The following BRWD3 variants were observed in gnomAD, a reference collection of about 807,000 sequenced individuals.
BRWD3 encodes the protein bromodomain and WD repeat-containing protein 3.
In BRWD3, 10 loss-of-function variants were observed where a neutral mutation model predicts 149.7. The observed-to-expected ratio is 0.07, with a 90% CI of 0.04 to 0.11. BRWD3 has a LOEUF of 0.11. Among genes scored for constraint, BRWD3 ranks in the 10% least tolerant of loss-of-function variants. The pLI is 1.00. For missense variants in BRWD3, 940 were observed against 1,373.2 expected (o/e 0.68, Z 4.99); for synonymous variants, 504 against 456.7 (o/e 1.10, Z -1.32).
intron 20 of BRWD3, among the ~76,000 whole-genome samples, chrX:80,714,518 C>T (rs1195354632): frequency 9.0e-6 from 1 of 111,084 alleles, no homozygotes; most frequent in Non-Finnish European, 1.9e-5. Context: ...GGAAGCCCAC[C>T]ACCCACCTTC....
chrX:80,734,207 T>C lies in BRWD3; in HGVS notation c.997A>G (p.Ile333Val), dbSNP rs1245139812. 3.4e-6 allele frequency: 4 copies of C among 1,167,286 alleles called. No homozygotes were observed. Among genetic ancestry groups the C allele is most frequent in the Non-Finnish European group, 4.7e-6 (4 of 855,074 alleles). Reference protein sequence around the residue: ...CSSFSSGGMFITTGSTDHVIR... With the variant: ...CSSFSSGGMFVTTGSTDHVIR... The stretch of plus-strand genomic sequence containing the variant: ...ACATGGTCAGTACTACCAGTTGTAA[T>C]GAACATACCACCTAGAAGATTAAAA... The change falls in exon 11 of 41, where the codon ATT becomes GTT. Residue 333 changes from isoleucine to valine, a missense_variant. Ile to Val is a conservative substitution (Grantham distance 29). Transcript: ENST00000373275.
chrX:80,809,673 G>T lies in BRWD3; in HGVS notation c.-202C>A, dbSNP rs878938443. The T allele has an allele frequency of 2.4e-6, 1 of 421,208 alleles. No individual in the cohort carries two copies. Among genetic ancestry groups the T allele is most frequent in the South Asian group, 4.0e-5 (1 of 25,246 alleles). 34.7% of individuals were successfully genotyped at this position (421,208 alleles called of 1,213,427 possible). A position where few individuals can be genotyped will look rare whatever the true frequency, so the allele number is the denominator to read the frequency against. On this transcript the variant is annotated 5_prime_UTR_variant, in exon 1 of 41. Coordinates refer to ENST00000373275, the MANE Select transcript of BRWD3 (RefSeq NM_153252.5). ...ATTCTAGCCCAAGAGCTGAGGAGGC[G>T]GAGGAGGAAGGAGAGGAGAGGGAGA...
intron 6 of BRWD3, among the ~76,000 whole-genome samples, chrX:80,772,009 C>A: frequency 9.0e-6 from 1 of 111,727 alleles, no homozygotes; most frequent in Non-Finnish European, 1.9e-5. Context: ...AACGCTTTTA[C>A]ACTGTTGGTG....
intron 8 of BRWD3, among the ~76,000 whole-genome samples, chrX:80,743,514 T>A (rs2073548736): frequency 1.8e-5 from 2 of 111,604 alleles, no homozygotes; most frequent in African/African-American, 6.5e-5. Context: ...CGGCTGTGAA[T>A]CCATCTGGTC....
chrX:80,725,072 A>G lies in BRWD3; in HGVS notation c.1387-5T>C. The G allele has an allele frequency of 7.5e-6, 9 of 1,206,559 alleles. No individual in the cohort carries two copies. Among genetic ancestry groups the G allele is most frequent in the Non-Finnish European group, 1.0e-5 (9 of 891,818 alleles). On this transcript the variant is annotated splice_polypyrimidine_tract_variant and splice_region_variant and intron_variant, in intron 14 of 40. Coordinates refer to ENST00000373275, the MANE Select transcript of BRWD3 (RefSeq NM_153252.5). ...GAATACTTCATCATCATGTCCCTAT[A>G]ATAAAAATCAGTATTAACAATGAAA...
At chrX:80,702,482 G>A (rs988909610) in intron 24 of BRWD3, among the ~76,000 whole-genome samples, 2 of 112,217 alleles carry the variant, frequency 1.8e-5, no homozygotes, top group East Asian at 5.6e-4. Context: ...ACAACTACAA[G>A]AAATAGTGAT....
chrX:80,682,532 T>C lies in BRWD3; in HGVS notation c.4330A>G (p.Arg1444Gly), dbSNP rs757356262. The stretch of plus-strand genomic sequence containing the variant: ...AGACGTTTTCTGTACCGTGGCCTTC[T>C]CCTCTTCTGACTCTGGATTGCTGAC... The part of the protein sequence containing the change: ...YKSAIQSQKR[R>G]RPRYRKRLRS... The change falls in exon 38 of 41, where the codon AGA becomes GGA. Residue 1444 changes from arginine (R) to glycine (G), a missense_variant. Arg to Gly is a moderately radical substitution (Grantham distance 125). Coordinates refer to ENST00000373275, the MANE Select transcript of BRWD3 (RefSeq NM_153252.5). The C allele has an allele frequency of 1.7e-6, 2 of 1,210,627 alleles. No individual in the cohort carries two copies. The highest frequency in any genetic ancestry group is 2.2e-6 in the Non-Finnish European group (2 of 894,543).
intron 26 of BRWD3, 31 bp from the exon 27 acceptor site, chrX:80,696,021 A>G: frequency 9.5e-7 from 1 of 1,053,399 alleles, no homozygotes; most frequent in Non-Finnish European, 1.3e-6. Flanking sequence ...ATATGAATCA[A>G]TATAGAGATA....
intron 6 of BRWD3, among the ~76,000 whole-genome samples, chrX:80,773,216 T>C (rs2073966496): frequency 9.0e-6 from 1 of 111,467 alleles, no homozygotes; most frequent in African/African-American, 3.3e-5. Context: ...GCAACATAGA[T>C]ATATACATAA....
In BRWD3 at chrX:80,669,973, GTTAA is replaced by G. The variant is rs1418560494; in HGVS notation, c.*6632_*6635del. 2.7e-5 allele frequency among the ~76,000 whole-genome samples: 3 copies of G among 110,501 alleles called. No individual in the cohort carries two copies. Among genetic ancestry groups the G allele is most frequent in the Non-Finnish European group, 3.8e-5 (2 of 52,829 alleles). On this transcript the variant is annotated 3_prime_UTR_variant, in exon 41 of 41. Coordinates refer to ENST00000373275, the MANE Select transcript of BRWD3 (RefSeq NM_153252.5). Reference sequence around the variant, plus strand: ...CCAACATCAAATTAAATATCAATTTGTTAATTAATAACTGTTAAAACTAGATGTC... The same window carrying G: ...CCAACATCAAATTAAATATCAATTTGTTAATAACTGTTAAAACTAGATGTC...
At chrX:80,722,338 T>C (rs1212753244) in intron 17 of BRWD3, among the ~76,000 whole-genome samples, 2 of 111,860 alleles carry the variant, frequency 1.8e-5, no homozygotes, top group Non-Finnish European at 3.8e-5. Flanking sequence ...CATTATCTGC[T>C]TGATGCTTAT....
At chrX:80,701,097 G>C (rs928315887) in intron 24 of BRWD3, among the ~76,000 whole-genome samples, 10 of 111,185 alleles carry the variant, frequency 9.0e-5, no homozygotes, top group Admixed American at 1.9e-4. Context: ...GTAATTTCAA[G>C]ACAAATTAAA....
chrX:80,747,006 G>T (rs184856177), intron 6 of BRWD3: 45 of 148,120 alleles, frequency 3.0e-4, no homozygotes, highest in Admixed American at 2.7e-3. Flanking sequence ...AATAATGGGA[G>T]GAACTGCATA....
chrX:80,741,333 A>C (rs1316589271), intron 8 of BRWD3, among the ~76,000 whole-genome samples: 2 of 111,863 alleles, frequency 1.8e-5, no homozygotes, highest in Non-Finnish European at 3.8e-5. Context: ...GGTTGGTTCC[A>C]AGTCTTTGCT....
chrX:80,791,436 A>G (rs1329468397), intron 6 of BRWD3, among the ~76,000 whole-genome samples: 1 of 111,731 alleles, frequency 9.0e-6, no homozygotes, highest in Non-Finnish European at 1.9e-5. Flanking sequence ...ATTAAACTGG[A>G]ACCAAGAAAG....
At chrX:80,705,063 C>T (rs1004623220) in intron 22 of BRWD3, among the ~76,000 whole-genome samples, 2 of 111,045 alleles carry the variant, frequency 1.8e-5, no homozygotes, top group African/African-American at 6.6e-5. Context: ...ATCAGGAATT[C>T]GAGACCAGCC....
intron 8 of BRWD3, among the ~76,000 whole-genome samples, chrX:80,741,330 T>G (rs1234365429): frequency 8.9e-6 from 1 of 112,057 alleles, no homozygotes; most frequent in East Asian, 2.8e-4. Flanking sequence ...TTGGGTTGGT[T>G]CCAAGTCTTT....
At chrX:80,718,298 T>A (rs1342838469) in intron 18 of BRWD3, among the ~76,000 whole-genome samples, 1 of 112,214 alleles carries the variant, frequency 8.9e-6, no homozygotes, top group Admixed American at 9.4e-5. Context: ...CCAGAAAGGT[T>A]CATGTTATTT....
rs1278582864 is a variant in BRWD3 at position 80,672,625 on chromosome X, G to C, written c.*3984C>G. On this transcript the variant is annotated 3_prime_UTR_variant, in exon 41 of 41. Coordinates refer to ENST00000373275, the MANE Select transcript of BRWD3 (RefSeq NM_153252.5). ...TGAAAATACTTTCACACTAGTTTTT[G>C]AAATAAGCCATAAAAGTGACTTTAG... is the stretch of plus-strand genomic sequence containing the variant. The C allele has an allele frequency of 8.9e-6, 1 of 111,868 alleles. No homozygotes were observed. 9.2% of individuals were successfully genotyped at this position (111,868 alleles called of 1,213,427 possible). A position where few individuals can be genotyped will look rare whatever the true frequency, so the allele number is the denominator to read the frequency against.
Sources: gnomAD v4.1 joint callset for allele counts (sites outside exome capture counted in the v4.1 genomes callset) on GRCh38, gnomAD v4.1.1 for gene constraint, MANE v1.5 for transcripts, NCBI Gene and HGNC (gene_info 2026-07-23, HGNC 2026-07-21) for gene names.